Variants in OXGR1 observed in about 807,000 individuals in gnomAD.
The protein encoded by OXGR1 is 2-oxoglutarate receptor 1.
A neutral mutation model predicts 10.0 loss-of-function variants in OXGR1; 10 were observed. The ratio of observed to expected loss-of-function variants is 1.00; its 90% CI spans 0.62 to 1.70. The LOEUF is 1.70. Ranked by LOEUF, OXGR1 falls within the 40% of genes most tolerant of loss-of-function variation. The pLI, the probability that OXGR1 is intolerant of heterozygous loss-of-function variation, is 0.00. For missense variants in OXGR1, 398 were observed against 407.6 expected, an observed-to-expected ratio of 0.98 and a Z score of 0.20; for synonymous variants, 191 against 155.9, an observed-to-expected ratio of 1.22 and a Z score of -1.68.
intron 3 of OXGR1, among the ~76,000 whole-genome samples, chr13:96,988,298 C>G (rs1881884714): frequency 6.6e-6 from 1 of 152,014 alleles, no homozygotes; most frequent in Admixed American, 6.6e-5. Context: ...TCTCTGGTAA[C>G]ACATCTAGGG....
rs1041250949 is a variant in OXGR1 at position 96,986,662 on chromosome 13, C to T, written c.*84G>A. 4.5e-5 allele frequency: 63 copies of T among 1,388,770 alleles called. No individual in the cohort carries two copies. In the East Asian group the frequency reaches 1.4e-3, roughly 32 times the overall value. 86.0% of individuals were successfully genotyped at this position (1,388,770 alleles called of 1,614,324 possible). A position where few individuals can be genotyped will look rare whatever the true frequency, so the allele number is the denominator to read the frequency against. ...AATACACAGTATTTACCAGGAGTTC[C>T]ATTGAGGGAGACATCCTGAACATCT... On this transcript the variant is annotated 3_prime_UTR_variant, in exon 4 of 4. Coordinates refer to ENST00000541038, the MANE Select transcript of OXGR1 (RefSeq NM_001346194.2).
At chr13:96,990,718 C>T (rs542341934) in intron 2 of OXGR1, among the ~76,000 whole-genome samples, 3 of 151,874 alleles carry the variant, frequency 2.0e-5, no homozygotes, top group Admixed American at 6.6e-5. Context: ...CTGAGGCAGG[C>T]GGATCGCCCA....
rs958281369 is a variant in OXGR1 at position 96,986,048 on chromosome 13, A to G, written c.*698T>C. 1.3e-5 allele frequency: 2 copies of G among 152,244 alleles called. No individual in the cohort carries two copies. The highest frequency in any genetic ancestry group is 4.8e-5 in the African/African-American group (2 of 41,468). 9.4% of individuals were successfully genotyped at this position (152,244 alleles called of 1,614,324 possible). ...CCAGGACATGTTAATAATGATGAAT[A>G]CAATTTGATAATTTTCATACATTCA... is the stretch of plus-strand genomic sequence containing the variant. On this transcript the variant is annotated 3_prime_UTR_variant, in exon 4 of 4. Coordinates refer to ENST00000541038, the MANE Select transcript of OXGR1 (RefSeq NM_001346194.2).
Position 96,986,624 on chromosome 13 carries a change from A to T in OXGR1, c.*122T>A. ...CTAGAAGCTCTGCCCTGGCTTTGGC[A>T]CATGATTACTTGAATACACAGTATT... On this transcript the variant is annotated 3_prime_UTR_variant, in exon 4 of 4. Coordinates refer to ENST00000541038, the MANE Select transcript of OXGR1 (RefSeq NM_001346194.2). 9.4e-7 allele frequency: 1 copy of T among 1,062,434 alleles called. No homozygotes were observed. The allele number at this position is 1,062,434 out of a possible 1,614,324, so 65.8% of individuals were successfully genotyped here. A position where few individuals can be genotyped will look rare whatever the true frequency, so the allele number is the denominator to read the frequency against.
At chr13:96,990,916 T>G (rs1882019629) in intron 2 of OXGR1, among the ~76,000 whole-genome samples, 1 of 130,448 alleles carries the variant, frequency 7.7e-6, no homozygotes, top group Non-Finnish European at 1.5e-5. Flanking sequence ...GCCACTGTAC[T>G]ACAGCCTGAG....
chr13:96,990,789 C>CA lies in OXGR1; in HGVS notation c.-126-981dup, dbSNP rs552143415. Among the ~76,000 whole-genome samples, 811 of 149,204 alleles carry CA rather than the reference C, an allele frequency of 5.4e-3. 7 individuals are homozygous for CA. The highest frequency in any genetic ancestry group is 0.017 in the African/African-American group (689 of 40,584). ...CAAAACTCCGTCTCTATTAAAAATA[C>CA]AAAAAAAAACGTAGCTGGGTGTGGT... On this transcript the variant is annotated intron_variant, in intron 2 of 3. Coordinates refer to ENST00000541038, the MANE Select transcript of OXGR1 (RefSeq NM_001346194.2).
intron 2 of OXGR1, among the ~76,000 whole-genome samples, chr13:96,990,946 C>CAAAAAAAAAAAAAAA (rs765856782): frequency 1.1e-4 from 11 of 97,178 alleles, no homozygotes; most frequent in African/African-American, 5.2e-4. Context: ...AAGACTCTTT[C>CAAAAAAAAAAAAAAA]AAAAAAAAAA....
At position 96,986,544 on chromosome 13, in the gene OXGR1, C is replaced by T; in HGVS notation, c.*202G>A. ...TCTGAATACTTTGCTGATATACATG[C>T]ATCCCATTCTTATATCTCCCCAGTG... On this transcript the variant is annotated 3_prime_UTR_variant, in exon 4 of 4. Coordinates refer to ENST00000541038, the MANE Select transcript of OXGR1 (RefSeq NM_001346194.2). The T allele has an allele frequency of 1.7e-6, 1 of 576,054 alleles. No homozygotes were observed. Among genetic ancestry groups the T allele is most frequent in the Non-Finnish European group, 3.1e-6 (1 of 327,686 alleles). 35.7% of individuals were successfully genotyped at this position (576,054 alleles called of 1,614,324 possible).
At chr13:96,989,379 C>T (rs1479398694) in intron 3 of OXGR1, among the ~76,000 whole-genome samples, 2 of 152,078 alleles carry the variant, frequency 1.3e-5, no homozygotes, top group African/African-American at 4.8e-5. Context: ...TCACTTAGTC[C>T]AGGAGGTCTG....
At chr13:96,991,244 C>T (rs887901929) in intron 2 of OXGR1, among the ~76,000 whole-genome samples, 56 of 152,156 alleles carry the variant, frequency 3.7e-4, no homozygotes, top group African/African-American at 1.3e-3. Flanking sequence ...TTACAAAATA[C>T]GTGTGATGTT....
intron 2 of OXGR1, among the ~76,000 whole-genome samples, chr13:96,991,576 G>C (rs1882060399): frequency 6.6e-6 from 1 of 152,140 alleles, no homozygotes; most frequent in Non-Finnish European, 1.5e-5. Context: ...ACTAAGCTAG[G>C]TTCAGCATGA....
chr13:96,994,707 T>C (rs1356379256), upstream of OXGR1: 1 of 150,314 alleles, frequency 6.7e-6, no homozygotes, highest in Admixed American at 6.6e-5. Flanking sequence ...TTTTTTTTTT[T>C]CTTTTGAGAA....
intron 1 of OXGR1, among the ~76,000 whole-genome samples, chr13:96,993,643 C>T (rs1249972604): frequency 6.6e-6 from 1 of 152,178 alleles, no homozygotes; most frequent in African/African-American, 2.4e-5. Context: ...ACAAATACAA[C>T]TTCTGAGAGC....
Position 96,992,525 on chromosome 13 carries a change from C to T in OXGR1, c.-230G>A, listed in dbSNP as rs1882107749. ...TAACACACCGTTCGTGGACCGCTGT[C>T]CTGATGCCAGCACACCCAGGAACCT... On this transcript the variant is annotated 5_prime_UTR_variant, in exon 2 of 4. Transcript: ENST00000541038. 1 of 152,148 alleles carries T rather than the reference C, an allele frequency of 6.6e-6. No individual in the cohort carries two copies. The highest frequency in any genetic ancestry group is 2.1e-4 in the South Asian group (1 of 4,826). The allele number at this position is 152,148 out of a possible 1,614,324, so 9.4% of individuals were successfully genotyped here.
chr13:96,992,242 T>C (rs1882092042), intron 2 of OXGR1, among the ~76,000 whole-genome samples, 180 bp downstream of exon 2: 1 of 152,142 alleles, frequency 6.6e-6, no homozygotes, highest in African/African-American at 2.4e-5. Context: ...GGTAAGTGGA[T>C]TGTTTGTATT....
At chr13:96,990,281 G>A (rs569442467) in intron 2 of OXGR1, among the ~76,000 whole-genome samples, 18 of 152,306 alleles carry the variant, frequency 1.2e-4, no homozygotes, top group South Asian at 6.2e-4. Flanking sequence ...GAAGCAGCAC[G>A]TCCCAAAGAC....
At position 96,986,514 on chromosome 13, in the gene OXGR1, C is replaced by T. The variant is rs1881745405; in HGVS notation, c.*232G>A. 6.1e-6 allele frequency: 3 copies of T among 494,896 alleles called. No homozygotes were observed. In the South Asian group the frequency reaches 7.9e-5, roughly 13 times the overall value. 30.7% of individuals were successfully genotyped at this position (494,896 alleles called of 1,614,324 possible). A position where few individuals can be genotyped will look rare whatever the true frequency, so the allele number is the denominator to read the frequency against. On this transcript the variant is annotated 3_prime_UTR_variant, in exon 4 of 4. Transcript: ENST00000541038. The stretch of plus-strand genomic sequence containing the variant: ...CTCTGAGTTCCAATAGCTTGTAATA[C>T]TATGTCTGAATACTTTGCTGATATA...
rs1016626383 is a variant in OXGR1, at chr13:96,986,707, T to C, written c.*39A>G. 1.6e-5 allele frequency: 25 copies of C among 1,553,312 alleles called. No homozygotes were observed. The highest frequency in any genetic ancestry group is 3.7e-5 in the South Asian group (3 of 80,150). On this transcript the variant is annotated 3_prime_UTR_variant, in exon 4 of 4. Coordinates refer to ENST00000541038, the MANE Select transcript of OXGR1 (RefSeq NM_001346194.2). The stretch of plus-strand genomic sequence containing the variant: ...ACATCTTAGGATGCTAGGTAAAGTA[T>C]CAGCAAGTATTTGTTTTTGGTTAAG...
chr13:96,990,844 G>A (rs1566291733), intron 2 of OXGR1, among the ~76,000 whole-genome samples: 1 of 151,222 alleles, frequency 6.6e-6, no homozygotes, highest in Non-Finnish European at 1.5e-5. Context: ...AGCTACTTGG[G>A]AGGCTGAGGC....
Sources: allele counts gnomAD v4.1 joint callset (sites outside exome capture counted in the v4.1 genomes callset), GRCh38; gene constraint gnomAD v4.1.1; transcripts MANE v1.5; gene names NCBI Gene and HGNC (gene_info 2026-07-23, HGNC 2026-07-21).